SHROOM3: variants seen among roughly 807,000 people sequenced by gnomAD.
SHROOM3 encodes protein Shroom3.
Under a neutral mutation model 138.6 loss-of-function variants are expected in SHROOM3, and 47 were observed. The ratio of observed to expected loss-of-function variants is 0.34; its 90% CI spans 0.27 to 0.43. SHROOM3 has a LOEUF of 0.43. Ranked by LOEUF, SHROOM3 falls within the 20% of genes least tolerant of loss-of-function variation. The probability of loss-of-function intolerance (pLI) is 1.00; values close to 1 mark genes in which losing one functional copy is unlikely to be tolerated. For missense variants in SHROOM3, 2,491 were observed against 2,596.5 expected, an observed-to-expected ratio of 0.96 and a Z score of 0.88; for synonymous variants, 1,062 against 1,063.3, an observed-to-expected ratio of 1.00 and a Z score of 0.02.
At chr4:76,728,576 T>C (rs1483535069) in intron 3 of SHROOM3, among the ~76,000 whole-genome samples, 1 of 152,212 alleles carries the variant, frequency 6.6e-6, no homozygotes, top group African/African-American at 2.4e-5. Context: ...AATGAACTAA[T>C]ACATGTGGGG....
In SHROOM3 at chr4:76,741,745, G is replaced by A. The variant is rs773654423; in HGVS notation, c.3572G>A (p.Gly1191Glu). The A allele has an allele frequency of 6.4e-7, 1 of 1,562,842 alleles. No homozygotes were observed. Among genetic ancestry groups the A allele is most frequent in the Non-Finnish European group, 8.7e-7 (1 of 1,154,046 alleles). ...CGGCGACGCGGGGACCTGCTTAGCG[G>A]AGCAAACGGTGGAACAAGGGGCACC... ...GERRRGDLLS[G>E]ANGGTRGTQR... Residue 1191 changes from glycine (G) to glutamate (E), a missense_variant, in exon 5 of 11, where the codon GGA becomes GAA. Transcript: ENST00000296043. This position sits in a 1 kb window ranked among gnomAD's most constrained non-coding sequence, Gnocchi z 6.2.
Position 76,760,318 on chromosome 4 carries a change from C to G in SHROOM3, c.5349+623C>G, listed in dbSNP as rs182820365. 1.7e-3 allele frequency among the ~76,000 whole-genome samples: 256 copies of G among 152,254 alleles called. 3 individuals carry two copies. Among genetic ancestry groups the G allele is most frequent in the Middle Eastern group, 3.4e-3 (1 of 294 alleles). ...AAAATGACCGTGATGCTGCTGCTGT[C>G]TTCCCACATGCCATGGAGATCTAAA... On this transcript the variant is annotated intron_variant, in intron 9 of 10. Transcript: ENST00000296043.
At chr4:76,522,946 C>T (rs1184880487) in intron 1 of SHROOM3, among the ~76,000 whole-genome samples, 1 of 152,102 alleles carries the variant, frequency 6.6e-6, no homozygotes, top group Non-Finnish European at 1.5e-5. Flanking sequence ...TTATATCTCA[C>T]TACATATGGC....
chr4:76,662,657 C>T (rs571959840), intron 2 of SHROOM3, among the ~76,000 whole-genome samples: 6 of 152,322 alleles, frequency 3.9e-5, no homozygotes, highest in African/African-American at 1.4e-4. Context: ...ATGATGAAGT[C>T]CTAAAATCAG....
Position 76,485,131 on chromosome 4 carries a change from T to C in SHROOM3, c.168+48911T>C, listed in dbSNP as rs1362141720. 6.6e-5 allele frequency among the ~76,000 whole-genome samples: 10 copies of C among 152,304 alleles called. No homozygotes were observed. In the South Asian group the frequency reaches 1.5e-3, roughly 22 times the overall value. The stretch of plus-strand genomic sequence containing the variant: ...TTATCTCAAGATTCAGAAGCTGCGA[T>C]GTTAAATTAGGGGTCAACTGTCCCT... On this transcript the variant is annotated intron_variant, in intron 1 of 10. Transcript: ENST00000296043.
At chr4:76,446,662 C>A (rs1730811857) in intron 1 of SHROOM3, among the ~76,000 whole-genome samples, 1 of 152,066 alleles carries the variant, frequency 6.6e-6, no homozygotes, top group South Asian at 2.1e-4. Flanking sequence ...GGACTGAAAC[C>A]AGTTAAAAGA....
intron 1 of SHROOM3, among the ~76,000 whole-genome samples, chr4:76,440,198 C>G (rs1421999546): frequency 6.6e-6 from 1 of 152,194 alleles, no homozygotes; most frequent in Non-Finnish European, 1.5e-5. Context: ...AAGAGATCTA[C>G]GTGTTCACCC....
At chr4:76,448,467 A>G (rs1730858470) in intron 1 of SHROOM3, among the ~76,000 whole-genome samples, 1 of 152,170 alleles carries the variant, frequency 6.6e-6, no homozygotes, top group Non-Finnish European at 1.5e-5. Flanking sequence ...TTGCCACAGT[A>G]ATGACACCAA....
chr4:76,770,417 G>A (rs771601967), intron 9 of SHROOM3, among the ~76,000 whole-genome samples: 2 of 151,264 alleles, frequency 1.3e-5, no homozygotes, highest in Non-Finnish European at 2.9e-5. Context: ...GTAATCAAGT[G>A]TTGGTGTGTG....
chr4:76,522,571 T>G (rs1732589103), intron 1 of SHROOM3, among the ~76,000 whole-genome samples: 1 of 151,912 alleles, frequency 6.6e-6, no homozygotes, highest in African/African-American at 2.4e-5. Context: ...AGGCAGGCCA[T>G]TCACCTGAGG....
At chr4:76,536,032 G>A (rs188507529) in intron 1 of SHROOM3, among the ~76,000 whole-genome samples, 8 of 152,368 alleles carry the variant, frequency 5.3e-5, no homozygotes, top group Admixed American at 2.0e-4. Flanking sequence ...GCATCTGAGC[G>A]AGACCCAGGG....
intron 2 of SHROOM3, among the ~76,000 whole-genome samples, chr4:76,600,749 T>G (rs899029377): frequency 2.0e-5 from 3 of 152,186 alleles, no homozygotes; most frequent in Non-Finnish European, 4.4e-5. Context: ...CTTTTACAGA[T>G]TAACAACATT....
intron 1 of SHROOM3, among the ~76,000 whole-genome samples, chr4:76,554,437 T>C (rs80249140): frequency 1.8e-5 from 2 of 110,950 alleles, no homozygotes; most frequent in Non-Finnish European, 3.7e-5. Flanking sequence ...TTTTTTTTTT[T>C]GAGACGGAGT....
intron 2 of SHROOM3, among the ~76,000 whole-genome samples, chr4:76,602,132 C>A (rs979226815): frequency 2.6e-5 from 4 of 152,310 alleles, no homozygotes; most frequent in African/African-American, 9.6e-5. Flanking sequence ...CATCCAGGAG[C>A]AATTACAGAA....
At chr4:76,477,728 A>T (rs968625471) in intron 1 of SHROOM3, among the ~76,000 whole-genome samples, 1 of 152,182 alleles carries the variant, frequency 6.6e-6, no homozygotes, top group Non-Finnish European at 1.5e-5. Flanking sequence ...GCTCCCAGTG[A>T]GATCAACGCA....
At chr4:76,487,358 G>A (rs760855466) in intron 1 of SHROOM3, among the ~76,000 whole-genome samples, 5 of 152,128 alleles carry the variant, frequency 3.3e-5, no homozygotes, top group Non-Finnish European at 7.4e-5. Context: ...GTGGACATCT[G>A]AGTTGCTTCT....
rs142863267 is a variant in SHROOM3 at position 76,451,198 on chromosome 4, C to A, written c.168+14978C>A. On this transcript the variant is annotated intron_variant, in intron 1 of 10. Coordinates refer to ENST00000296043, the MANE Select transcript of SHROOM3 (RefSeq NM_020859.4). ...CTCCTGACCTCAGATGATCCACCTG[C>A]CTCAGCCTCCCAAAGTGCTGGGATT... 4.9e-3 allele frequency among the ~76,000 whole-genome samples: 740 copies of A among 152,262 alleles called. 8 individuals are homozygous for A. The highest frequency in any genetic ancestry group is 0.017 in the African/African-American group (710 of 41,554).
At chr4:76,693,696 A>G (rs962847898) in intron 2 of SHROOM3, among the ~76,000 whole-genome samples, 10 of 151,930 alleles carry the variant, frequency 6.6e-5, no homozygotes, top group Non-Finnish European at 1.2e-4. Context: ...TTGATGAGTC[A>G]TTTTTTAAGG....
chr4:76,688,380 G>C (rs1044614718), intron 2 of SHROOM3: 99 of 985,148 alleles, frequency 1.0e-4, no homozygotes, highest in Admixed American at 6.8e-4. Context: ...AGGTAAATGT[G>C]GTATCAGCTG....
Sources: gnomAD v4.1 joint callset for allele counts (sites outside exome capture counted in the v4.1 genomes callset) on GRCh38, gnomAD v4.1.1 for gene constraint, Gnocchi (gnomAD v3.1) non-coding constraint, MANE v1.5 for transcripts, NCBI Gene and HGNC (gene_info 2026-07-23, HGNC 2026-07-21) for gene names.